Variants in ASAH1 observed in about 807,000 individuals in gnomAD.
The protein encoded by ASAH1 is acid ceramidase.
A neutral mutation model predicts 59.5 loss-of-function variants in ASAH1; 70 were observed. The ratio of observed to expected loss-of-function variants is 1.18; its 90% CI spans 0.97 to 1.43. The LOEUF (loss-of-function observed/expected upper bound fraction) is 1.43, where lower values mean the gene tolerates loss of function less well. Among genes scored for constraint, ASAH1 ranks in the 40% most tolerant of loss-of-function variants. The pLI, the probability that ASAH1 is intolerant of heterozygous loss-of-function variation, is 0.00. For missense variants in ASAH1, 660 were observed against 482.5 expected (o/e 1.37, Z -3.45); for synonymous variants, 213 against 166.5 (o/e 1.28, Z -2.15).
At position 18,064,468 on chromosome 8, in the gene ASAH1, TCTG is replaced by T; in HGVS notation, c.443_445del (p.Ala148del). The T allele has an allele frequency of 6.3e-7, 1 of 1,575,564 alleles. No homozygotes were observed. Among genetic ancestry groups the T allele is most frequent in the South Asian group, 1.1e-5 (1 of 89,800 alleles). On this transcript the variant is annotated inframe_deletion, in exon 6 of 14. Coordinates refer to ENST00000637790, the MANE Select transcript of ASAH1 (RefSeq NM_177924.5). ...CAGCGCACAATTACCTTTTTTGTCT[TCTG>T]CTACTATTGAAGTACAAATGGTAAA... is the stretch of plus-strand genomic sequence containing the variant.
At chr8:18,067,834 T>C (rs917963589) in intron 4 of ASAH1, 5 of 152,240 alleles carry the variant, frequency 3.3e-5, no homozygotes, top group African/African-American at 7.2e-5. Flanking sequence ...ACCAGAGACA[T>C]TGAGCAAATT....
At chr8:18,071,411 T>G (rs12547845) in intron 2 of ASAH1, 21 bp from the exon 3 acceptor site, 1 of 1,470,574 alleles carries the variant, frequency 6.8e-7, no homozygotes, top group Non-Finnish European at 9.4e-7. Flanking sequence ...AGGTGTATCA[T>G]CTTGAAATGA....
At chr8:18,061,105 G>A (rs1357985694) in intron 10 of ASAH1, 2 of 338,000 alleles carry the variant, frequency 5.9e-6, no homozygotes, top group African/African-American at 4.3e-5. Context: ...TTTGTGTGTG[G>A]GTCATTTTTT....
intron 3 of ASAH1, among the ~76,000 whole-genome samples, chr8:18,070,835 C>T (rs1269070158): frequency 3.3e-5 from 5 of 152,052 alleles, no homozygotes; most frequent in African/African-American, 9.7e-5. Flanking sequence ...TTTAAAAATA[C>T]AATAATATTT....
At chr8:18,072,125 T>G (rs1215455722) in intron 2 of ASAH1, among the ~76,000 whole-genome samples, 1 of 152,236 alleles carries the variant, frequency 6.6e-6, no homozygotes, top group Non-Finnish European at 1.5e-5. Context: ...CTATTTTTGT[T>G]GCTATAGGAA....
intron 2 of ASAH1, among the ~76,000 whole-genome samples, chr8:18,074,974 G>C (rs889329636): frequency 3.3e-5 from 5 of 151,810 alleles, no homozygotes; most frequent in Non-Finnish European, 7.4e-5. Flanking sequence ...GTAGACAGGA[G>C]AATTGAGTGG....
intron 12 of ASAH1, 39 bp from the exon 13 acceptor site, chr8:18,058,930 T>C (rs764840305): frequency 6.4e-7 from 1 of 1,566,892 alleles, no homozygotes; most frequent in Admixed American, 1.7e-5. Context: ...GTAAGTTAAA[T>C]ACAGAAGCCA....
intron 4 of ASAH1, 37 bp from the exon 5 acceptor site, chr8:18,067,335 A>C (rs1032048921): frequency 2.3e-6 from 3 of 1,276,880 alleles, no homozygotes; most frequent in South Asian, 1.8e-5. Flanking sequence ...CATTTAACAT[A>C]ATAACAATAA....
chr8:18,065,176 AG>A (rs1799878160), intron 5 of ASAH1: 1 of 151,528 alleles, frequency 6.6e-6, no homozygotes, highest in Non-Finnish European at 1.5e-5. Context: ...GTGAAATTCT[AG>A]TTATTTTATT....
rs1387237712 is a variant in ASAH1, at chr8:18,084,035, G to C, written c.24C>G (p.Ala8=). 1 of 1,598,698 alleles carries C rather than the reference G, an allele frequency of 6.3e-7. No individual in the cohort carries two copies. Among genetic ancestry groups the C allele is most frequent in the African/African-American group, 1.3e-5 (1 of 74,914 alleles). The stretch of plus-strand genomic sequence containing the variant: ...TGACGGCGGCAGCCAGGAGGACTAA[G>C]GCGACGCAACTCCGGCCCGGCATCG... MPGRSCV[A]LVLLAAAVSC... is the part of the protein sequence containing the mutation. Residue 8 remains alanine (A), a synonymous_variant, in exon 1 of 14, where the codon GCC becomes GCG. Coordinates refer to ENST00000637790, the MANE Select transcript of ASAH1 (RefSeq NM_177924.5).
chr8:18,069,877 A>G lies in ASAH1; in HGVS notation c.218T>C (p.Leu73Pro). 2 of 1,573,140 alleles carry G rather than the reference A, an allele frequency of 1.3e-6. No homozygotes were observed. The highest frequency in any genetic ancestry group is 1.7e-6 in the Non-Finnish European group (2 of 1,147,258). ...HELMLDKAPV[L>P]KVIVNSLKNM... Reference sequence around the variant, plus strand: ...CTTCAGAGAATTCACTATAACCTTTAGCTGAAAAATAAATAAAATGCTTAC... The same window carrying G: ...CTTCAGAGAATTCACTATAACCTTTGGCTGAAAAATAAATAAAATGCTTAC... Residue 73 changes from leucine to proline, a missense_variant and splice_region_variant, in exon 4 of 14, where the codon CTA (leucine) becomes CCA (proline). Coordinates refer to ENST00000637790, the MANE Select transcript of ASAH1 (RefSeq NM_177924.5).
At chr8:18,075,485 A>G in intron 2 of ASAH1, 56 bp downstream of exon 2, 4 of 1,548,940 alleles carry the variant, frequency 2.6e-6, no homozygotes, top group South Asian at 1.1e-5. Context: ...ATTATTACAT[A>G]CAGAAAAAAC....
intron 6 of ASAH1, 52 bp from the exon 7 acceptor site, chr8:18,063,282 C>T: frequency 6.8e-7 from 1 of 1,470,188 alleles, no homozygotes; most frequent in South Asian, 1.1e-5. Flanking sequence ...GATTCTAAAT[C>T]AAAGCTGGAC....
chr8:18,067,100 T>TGCACCTGCGCTGTATATCTAAGACATACA, intron 5 of ASAH1, 120 bp downstream of exon 5: 1 of 548,492 alleles, frequency 1.8e-6, no homozygotes, highest in Non-Finnish European at 3.0e-6. Flanking sequence ...CTAAGACCTG[T>TGCACCTGCGCTGTATATCTAAGACATACA]GCACCTGTGC....
At chr8:18,080,458 T>C (rs79796292) in intron 1 of ASAH1, among the ~76,000 whole-genome samples, 5,481 of 152,288 alleles carry the variant, frequency 0.036, 130 homozygotes, top group Non-Finnish European at 0.056. Context: ...TGACCTCCAG[T>C]TGCCCAACAT....
intron 10 of ASAH1, 142 bp downstream of exon 10, chr8:18,061,235 T>C (rs1340277534): frequency 2.9e-6 from 2 of 679,410 alleles, no homozygotes; most frequent in Non-Finnish European, 5.0e-6. Context: ...CATGAGTAAT[T>C]CCACATGAGT....
chr8:18,083,788 C>G (rs777770397), intron 1 of ASAH1, 193 bp downstream of exon 1: 6 of 1,135,566 alleles, frequency 5.3e-6, no homozygotes, highest in Non-Finnish European at 6.1e-6. Context: ...TTGCAGGTAG[C>G]ACCGAATCTA....
In ASAH1 at chr8:18,057,377, T is replaced by C; in HGVS notation, c.*157A>G. 1 of 483,522 alleles carries C rather than the reference T, an allele frequency of 2.1e-6. No individual in the cohort carries two copies. The highest frequency in any genetic ancestry group is 3.1e-5 in the Admixed American group (1 of 32,652). 30.0% of individuals were successfully genotyped at this position (483,522 alleles called of 1,614,324 possible). A position where few individuals can be genotyped will look rare whatever the true frequency, so the allele number is the denominator to read the frequency against. On this transcript the variant is annotated 3_prime_UTR_variant, in exon 14 of 14. Transcript: ENST00000637790. ...CTGATAGGGGGAAAAAAAAAAGATC[T>C]GTCATTTGTCAACAGATGGACGAAG...
In ASAH1 at chr8:18,057,684, A is replaced by G. The variant is rs539437474; in HGVS notation, c.1099-61T>C. ...TCAATTCAGAGATGTTCTGATATAT[A>G]TTAGCATTTCTATACTTGTAGAATT... On this transcript the variant is annotated intron_variant, in intron 13 of 13. Coordinates refer to ENST00000637790, the MANE Select transcript of ASAH1 (RefSeq NM_177924.5). 257 of 1,183,646 alleles carry G rather than the reference A, an allele frequency of 2.2e-4. 1 individual carries two copies. In the African/African-American group the frequency reaches 3.4e-3, roughly 16 times the overall value. 73.3% of individuals were successfully genotyped at this position (1,183,646 alleles called of 1,614,324 possible).
Sources: allele counts gnomAD v4.1 joint callset (sites outside exome capture counted in the v4.1 genomes callset), GRCh38; gene constraint gnomAD v4.1.1; transcripts MANE v1.5; gene names NCBI Gene and HGNC (gene_info 2026-07-23, HGNC 2026-07-21).